ZFYVE1: variants seen among roughly 807,000 people sequenced by gnomAD.
The protein encoded by ZFYVE1 is zinc finger FYVE domain-containing protein 1.
In ZFYVE1, 30 loss-of-function variants were observed where a neutral mutation model predicts 74.4. The observed-to-expected ratio is 0.40, with a 90% CI of 0.30 to 0.55. The LOEUF is 0.55. Ranked by LOEUF, ZFYVE1 falls within the 20% of genes least tolerant of loss-of-function variation. ZFYVE1 has a pLI of 0.42. For synonymous variants in ZFYVE1, 335 were observed against 385.1 expected, an observed-to-expected ratio of 0.87 and a Z score of 1.52; for missense variants, 703 against 1,011.6, an observed-to-expected ratio of 0.69 and a Z score of 4.14.
rs1407834278 is a variant in ZFYVE1, at chr14:73,024,268, A to G, written c.241T>C (p.Leu81=). 19 of 1,613,934 alleles carry G rather than the reference A, an allele frequency of 1.2e-5. No homozygotes were observed. The highest frequency in any genetic ancestry group is 1.5e-5 in the Non-Finnish European group (18 of 1,180,026). ...ATTGCCCTCTGCCTAACACCTGGTA[A>G]ATGCCCACTGAGACCCTTGCAGAGG... ...CDLCKGLSGH[L]PGVRQRAIVR... The change falls in exon 2 of 12, where the codon TTA becomes CTA. Residue 81 remains leucine, a synonymous_variant. Transcript: ENST00000556143.
At chr14:73,008,984 G>T (rs1481331637) in intron 2 of ZFYVE1, among the ~76,000 whole-genome samples, 1 of 152,090 alleles carries the variant, frequency 6.6e-6, no homozygotes, top group Non-Finnish European at 1.5e-5. Flanking sequence ...CTCTTCCAGC[G>T]CTAAACACCC....
intron 2 of ZFYVE1, among the ~76,000 whole-genome samples, chr14:73,015,290 AAGGAAAGAAGGG>A (rs1894169626): frequency 1.5e-5 from 1 of 66,712 alleles, no homozygotes; most frequent in African/African-American, 7.7e-5. Context: ...GGAAGGAAGG[AAGGAAAGAAGGG>A]AGGGAGGGAG....
intron 2 of ZFYVE1, among the ~76,000 whole-genome samples, chr14:73,001,521 C>T (rs1481167274): frequency 3.3e-5 from 5 of 151,912 alleles, no homozygotes; most frequent in African/African-American, 9.7e-5. Flanking sequence ...ATGCTTTTCA[C>T]GATTATAATT....
chr14:72,983,924 G>A (rs1179106616), intron 4 of ZFYVE1, among the ~76,000 whole-genome samples: 14 of 152,106 alleles, frequency 9.2e-5, no homozygotes, highest in African/African-American at 2.9e-4. Context: ...TTAGAATGGC[G>A]ATCATTAAAA....
chr14:73,013,872 G>A (rs758471422), intron 2 of ZFYVE1, among the ~76,000 whole-genome samples: 2 of 152,074 alleles, frequency 1.3e-5, no homozygotes, highest in Admixed American at 6.6e-5. Context: ...AGCTCCTCCC[G>A]AAGTAGGGAA....
chr14:72,974,047 C>A, intron 11 of ZFYVE1, 33 bp downstream of exon 11: 1 of 1,603,490 alleles, frequency 6.2e-7, no homozygotes, highest in Admixed American at 1.7e-5. Context: ...AACCCGCATC[C>A]ACTACCCCCA....
intron 2 of ZFYVE1, 62 bp from the exon 3 acceptor site, chr14:72,998,377 C>T (rs559167272): frequency 1.4e-6 from 2 of 1,405,910 alleles, no homozygotes; most frequent in East Asian, 2.3e-5. Flanking sequence ...GAAACACCTA[C>T]AAGAAGAAGT....
rs1894367513 is a variant in ZFYVE1 at position 73,023,278 on chromosome 14, A to ATATGTTTTATATATAATATATAT, written c.483+747_483+748insATATATATTATATATAAAACATA. Among the ~76,000 whole-genome samples the ATATGTTTTATATATAATATATAT allele has an allele frequency of 8.9e-5, 7 of 79,056 alleles. No homozygotes were observed. The South Asian group carries it at 1.3e-3, about 15-fold the overall frequency. The allele number at this position is 79,056 out of a possible 152,430, so 51.9% of individuals were successfully genotyped here. A position where few individuals can be genotyped will look rare whatever the true frequency, so the allele number is the denominator to read the frequency against. On this transcript the variant is annotated intron_variant, in intron 2 of 11. Coordinates refer to ENST00000556143, the MANE Select transcript of ZFYVE1 (RefSeq NM_021260.4). Reference sequence around the variant, plus strand: ...ATATGTTTTATATATAATATATATTATATATGTTTTATATATAATATATAT... The same window carrying ATATGTTTTATATATAATATATAT: ...ATATGTTTTATATATAATATATATTATATGTTTTATATATAATATATATTATATGTTTTATATATAATATATAT...
chr14:72,990,952 C>T (rs941509098), intron 4 of ZFYVE1, among the ~76,000 whole-genome samples: 4 of 151,904 alleles, frequency 2.6e-5, no homozygotes, highest in Non-Finnish European at 5.9e-5. Flanking sequence ...TGCCCACCTC[C>T]GCCTCTCAAA....
chr14:73,018,976 T>C (rs1894258986), intron 2 of ZFYVE1, among the ~76,000 whole-genome samples: 2 of 151,630 alleles, frequency 1.3e-5, no homozygotes, highest in Admixed American at 6.6e-5. Context: ...ACATAATATA[T>C]GCGCCAAAAA....
chr14:72,982,079 C>A (rs909110329), intron 4 of ZFYVE1, among the ~76,000 whole-genome samples, 184 bp from the exon 5 acceptor site: 1 of 152,216 alleles, frequency 6.6e-6, no homozygotes, highest in Non-Finnish European at 1.5e-5. Flanking sequence ...TGGAAAGAAC[C>A]AGCCCATTCC....
In ZFYVE1 at chr14:73,024,026, C is replaced by G; in HGVS notation, c.483G>C (p.Gln161His). The change falls in exon 2 of 12, where the codon CAG (glutamine) becomes CAC (histidine). Residue 161 changes from glutamine (Q) to histidine (H), a missense_variant and splice_region_variant. By Grantham distance (24) the Gln-to-His change is conservative (BLOSUM62 0). Coordinates refer to ENST00000556143, the MANE Select transcript of ZFYVE1 (RefSeq NM_021260.4). ...FLLVDENEEI[Q>H]VTNEEDFIRK... Reference sequence around the variant, plus strand: ...AATCCCACTATACCCGTGTGCTTACCTGAATTTCTTCATTTTCGTCTACTA... The same window carrying G: ...AATCCCACTATACCCGTGTGCTTACGTGAATTTCTTCATTTTCGTCTACTA... The G allele has an allele frequency of 6.2e-7, 1 of 1,613,504 alleles. No individual in the cohort carries two copies. Among genetic ancestry groups the G allele is most frequent in the African/African-American group, 1.3e-5 (1 of 74,960 alleles).
intron 3 of ZFYVE1, among the ~76,000 whole-genome samples, chr14:72,995,254 A>T (rs142514063): frequency 1.1e-3 from 170 of 151,974 alleles, no homozygotes; most frequent in Non-Finnish European, 2.1e-3. Context: ...ACCACCATAC[A>T]CTTGACTAAT....
chr14:72,985,909 A>G (rs1893467090), intron 4 of ZFYVE1, among the ~76,000 whole-genome samples: 1 of 152,160 alleles, frequency 6.6e-6, no homozygotes, highest in East Asian at 1.9e-4. Flanking sequence ...CACTGTGCCC[A>G]GCCAAGAATA....
rs1894417258 is a variant in ZFYVE1 at position 73,024,604 on chromosome 14, C to T, written c.-96G>A. On this transcript the variant is annotated 5_prime_UTR_variant, in exon 2 of 12. Transcript: ENST00000556143. ...ATTTGAGTCTGAAGACTGCACGAAACTTCCACAGGGTTCTGAACACTTTAA... is the reference window on the plus strand; with the variant it reads ...ATTTGAGTCTGAAGACTGCACGAAATTTCCACAGGGTTCTGAACACTTTAA... 1.4e-6 allele frequency: 2 copies of T among 1,480,028 alleles called. No individual in the cohort carries two copies. Among genetic ancestry groups the T allele is most frequent in the African/African-American group, 1.4e-5 (1 of 70,958 alleles). The allele number at this position is 1,480,028 out of a possible 1,614,324, so 91.7% of individuals were successfully genotyped here.
intron 2 of ZFYVE1, among the ~76,000 whole-genome samples, chr14:73,003,994 A>T (rs1195856153): frequency 5.3e-5 from 8 of 152,160 alleles, no homozygotes; most frequent in African/African-American, 1.9e-4. Flanking sequence ...AGGTACCTTA[A>T]ACGCTTCTCC....
rs559623101 is a variant in ZFYVE1 at position 72,979,117 on chromosome 14, C to T, written c.1311-148G>A. 6.4e-5 allele frequency: 43 copies of T among 673,890 alleles called. 1 individual carries two copies. The highest frequency in any genetic ancestry group is 6.0e-4 in the South Asian group (37 of 61,466). The allele number at this position is 673,890 out of a possible 1,614,324, so 41.7% of individuals were successfully genotyped here. On this transcript the variant is annotated intron_variant, in intron 5 of 11. Transcript: ENST00000556143. ...AGATGCTGAACACAGAAAGGGTAGC[C>T]GGAAACCCACATGCCTCTTTGTTAC...
intron 2 of ZFYVE1, among the ~76,000 whole-genome samples, chr14:73,013,612 A>G (rs765508145): frequency 3.3e-5 from 5 of 151,868 alleles, no homozygotes; most frequent in Admixed American, 6.6e-5. Context: ...AAAAAAAAAG[A>G]AAAAAACAAG....
At chr14:72,992,602 G>T (rs1893639337) in intron 4 of ZFYVE1, among the ~76,000 whole-genome samples, 1 of 139,044 alleles carries the variant, frequency 7.2e-6, no homozygotes, top group African/African-American at 2.8e-5. Context: ...CTGGGGGGAG[G>T]TCCCATTCAG....
Sources: allele counts gnomAD v4.1 joint callset (sites outside exome capture counted in the v4.1 genomes callset), GRCh38; gene constraint gnomAD v4.1.1; transcripts MANE v1.5; gene names NCBI Gene and HGNC (gene_info 2026-07-23, HGNC 2026-07-21).